Variants in ERBIN observed in about 807,000 individuals in gnomAD.
ERBIN encodes the protein erbb2 interacting protein.
ERBIN carries 60 observed loss-of-function variants against 158.4 expected under a neutral mutation model. The ratio of observed to expected loss-of-function variants is 0.38; its 90% CI spans 0.31 to 0.47. The LOEUF (loss-of-function observed/expected upper bound fraction) is 0.47, where lower values mean the gene tolerates loss of function less well. Ranked by LOEUF, ERBIN falls within the 20% of genes least tolerant of loss-of-function variation. The pLI, the probability that ERBIN is intolerant of heterozygous loss-of-function variation, is 0.99. For synonymous variants in ERBIN, 594 were observed against 557.2 expected (o/e 1.07, Z -0.93); for missense variants, 1,610 against 1,648.0 (o/e 0.98, Z 0.40).
intron 1 of ERBIN, among the ~76,000 whole-genome samples, chr5:65,977,347 C>T (rs1205518142): frequency 6.6e-6 from 1 of 151,928 alleles, no homozygotes; most frequent in Non-Finnish European, 1.5e-5. Flanking sequence ...GGAGATGCTC[C>T]TCACTTCCCA....
intron 18 of ERBIN, among the ~76,000 whole-genome samples, chr5:66,047,480 A>G (rs1217456531): frequency 6.6e-6 from 1 of 152,056 alleles, no homozygotes; most frequent in Non-Finnish European, 1.5e-5. Context: ...TGAATGAAAA[A>G]TGATTGCACC....
rs560019763 is a variant in ERBIN at position 65,961,939 on chromosome 5, C to T, written c.-57-26696C>T. Among the ~76,000 whole-genome samples the T allele has an allele frequency of 1.9e-4, 29 of 152,186 alleles. No homozygotes were observed. In the South Asian group the frequency reaches 4.8e-3, roughly 25 times the overall value. On this transcript the variant is annotated intron_variant, in intron 1 of 25. Transcript: ENST00000284037. The stretch of plus-strand genomic sequence containing the variant: ...TGTATCTTTTTGGTGCTGCAGAAAG[C>T]TAGTTGTCTGACATTTTTTACCAGA...
At chr5:65,970,118 A>T (rs957614510) in intron 1 of ERBIN, among the ~76,000 whole-genome samples, 2 of 65,174 alleles carry the variant, frequency 3.1e-5, no homozygotes, top group African/African-American at 7.0e-5. Flanking sequence ...CTAGTGAAGT[A>T]TGAAGACTAC....
chr5:66,053,108 A>G (rs1759205897), intron 20 of ERBIN, among the ~76,000 whole-genome samples: 1 of 149,338 alleles, frequency 6.7e-6, no homozygotes, highest in South Asian at 2.1e-4. Flanking sequence ...TTAAAATTTT[A>G]TTCATAGTTC....
chr5:66,054,056 G>C lies in ERBIN; in HGVS notation c.2738G>C (p.Ser913Thr), dbSNP rs1326503500. The C allele has an allele frequency of 1.2e-6, 2 of 1,614,038 alleles. No homozygotes were observed. Among genetic ancestry groups the C allele is most frequent in the Non-Finnish European group, 1.7e-6 (2 of 1,180,036 alleles). Residue 913 changes from serine (S) to threonine (T), a missense_variant, in exon 21 of 26, where the codon AGC (serine) becomes ACC (threonine). By Grantham distance (58) the Ser-to-Thr change is moderately conservative. This residue lies in a region of ERBIN where 1,014 missense variants were observed against 936.1 expected (regional missense o/e 1.08). Coordinates refer to ENST00000284037, the MANE Select transcript of ERBIN (RefSeq NM_001253697.2). ...GTTGATGGAAAAAATATAGTCAGGA[G>C]CAAGTCTGCCACACTGTTGTATGAT... ...SAVDGKNIVR[S>T]KSATLLYDQP...
intron 1 of ERBIN, among the ~76,000 whole-genome samples, chr5:65,981,660 A>C (rs1031423313): frequency 5.9e-5 from 9 of 152,288 alleles, no homozygotes; most frequent in East Asian, 5.8e-4. Flanking sequence ...ACAAAAAAAA[A>C]ACAATTGTTT....
At chr5:66,049,047 A>G (rs1758759737) in intron 19 of ERBIN, among the ~76,000 whole-genome samples, 1 of 151,988 alleles carries the variant, frequency 6.6e-6, no homozygotes, top group Non-Finnish European at 1.5e-5. Flanking sequence ...TCTGCCACTT[A>G]TCTGCTGTGT....
At chr5:66,052,504 ATTT>A (rs2151233858) in intron 20 of ERBIN, among the ~76,000 whole-genome samples, 1 of 152,262 alleles carries the variant, frequency 6.6e-6, no homozygotes, top group South Asian at 2.1e-4. Flanking sequence ...GAATAATAAA[ATTT>A]TATTTATTGT....
rs777276143 is a variant in ERBIN at position 66,054,827 on chromosome 5, C to T, written c.3509C>T (p.Ser1170Leu). The T allele has an allele frequency of 6.2e-7, 1 of 1,614,074 alleles. No homozygotes were observed. Among genetic ancestry groups the T allele is most frequent in the African/African-American group, 1.3e-5 (1 of 75,024 alleles). ...TTCAATTATTCACGGACTAGTCCTTCAAAAAGACCAAATGCAAGGGTTGGT... is the reference window on the plus strand; with the variant it reads ...TTCAATTATTCACGGACTAGTCCTTTAAAAAGACCAAATGCAAGGGTTGGT... ...SDFNYSRTSP[S>L]KRPNARVGSE... The change falls in exon 21 of 26, where the codon TCA becomes TTA. Residue 1170 changes from serine to leucine, a missense_variant. By Grantham distance (145) the Ser-to-Leu change is moderately radical. Coordinates refer to ENST00000284037, the MANE Select transcript of ERBIN (RefSeq NM_001253697.2).
chr5:66,044,260 T>C lies in ERBIN; in HGVS notation c.1552T>C (p.Leu518=). ...GACCAATGAAGACTCAGGAAGAGAT[T>C]TGAAACCACATGAAGATCAACAAGA... ...EETNEDSGRD[L]KPHEDQQDIN... Residue 518 remains leucine (L), a synonymous_variant, in exon 17 of 26, where the codon TTG becomes CTG. Coordinates refer to ENST00000284037, the MANE Select transcript of ERBIN (RefSeq NM_001253697.2). 1 of 1,609,740 alleles carries C rather than the reference T, an allele frequency of 6.2e-7. No individual in the cohort carries two copies. Among genetic ancestry groups the C allele is most frequent in the Non-Finnish European group, 8.5e-7 (1 of 1,178,636 alleles).
chr5:66,038,739 T>C (rs1386712949), intron 15 of ERBIN, among the ~76,000 whole-genome samples: 1 of 152,042 alleles, frequency 6.6e-6, no homozygotes, highest in African/African-American at 2.4e-5. Flanking sequence ...TAAAAACATT[T>C]AGCTGTATGC....
chr5:65,964,436 G>A (rs1418947507), intron 1 of ERBIN, among the ~76,000 whole-genome samples: 1 of 152,082 alleles, frequency 6.6e-6, no homozygotes, highest in Non-Finnish European at 1.5e-5. Flanking sequence ...GGCCTTTTGG[G>A]GCAGAATCCT....
rs555632702 is a variant in ERBIN at position 66,031,636 on chromosome 5, A to C, written c.1206+3293A>C. Among the ~76,000 whole-genome samples the C allele has an allele frequency of 2.4e-4, 37 of 152,276 alleles. 1 individual carries two copies. In the South Asian group the frequency reaches 7.5e-3, roughly 31 times the overall value. On this transcript the variant is annotated intron_variant, in intron 14 of 25. Coordinates refer to ENST00000284037, the MANE Select transcript of ERBIN (RefSeq NM_001253697.2). ...CTTTTGAGGCCCGAGTTTGAGACCA[A>C]CCTGGGAAACATAGCAAGATTCCGT...
chr5:65,947,376 C>A (rs1392131748), intron 1 of ERBIN, among the ~76,000 whole-genome samples: 1 of 152,126 alleles, frequency 6.6e-6, no homozygotes. Context: ...ACTACAGGCA[C>A]ATGCCACCAC....
rs1759378216 is a variant in ERBIN at position 66,054,416 on chromosome 5, A to G, written c.3098A>G (p.His1033Arg). The change falls in exon 21 of 26, where the codon CAT (histidine) becomes CGT (arginine). Residue 1033 changes from histidine to arginine, a missense_variant. Physicochemically the swap from His to Arg is conservative, Grantham distance 29. Coordinates refer to ENST00000284037, the MANE Select transcript of ERBIN (RefSeq NM_001253697.2). ...TCTGCCAATATGAATTTCTCTAATC[A>G]TAACAATGTTCGAGCTAATACTGCA... ...KHSANMNFSN[H>R]NNVRANTAYH... 1.2e-6 allele frequency: 2 copies of G among 1,614,180 alleles called. No individual in the cohort carries two copies. The highest frequency in any genetic ancestry group is 1.7e-6 in the Non-Finnish European group (2 of 1,180,028).
intron 1 of ERBIN, among the ~76,000 whole-genome samples, chr5:65,967,450 G>A (rs899188587): frequency 1.1e-4 from 16 of 151,832 alleles, no homozygotes; most frequent in Non-Finnish European, 1.6e-4. Context: ...GTTTAGATAT[G>A]TTTAAATACA....
At chr5:66,069,016 T>G in intron 21 of ERBIN, 4 of 1,532,894 alleles carry the variant, frequency 2.6e-6, no homozygotes, top group Non-Finnish European at 3.5e-6. Context: ...GGGCACATTT[T>G]TCGAGTGAGT....
At chr5:66,030,706 G>A (rs1756777375) in intron 14 of ERBIN, among the ~76,000 whole-genome samples, 1 of 151,590 alleles carries the variant, frequency 6.6e-6, no homozygotes, top group Admixed American at 6.6e-5. Flanking sequence ...GGGACCACAG[G>A]TACATGTCAC....
In ERBIN at chr5:66,081,303, A is replaced by G. The variant is rs1424548108; in HGVS notation, c.*2773A>G. On this transcript the variant is annotated 3_prime_UTR_variant, in exon 26 of 26. Coordinates refer to ENST00000284037, the MANE Select transcript of ERBIN (RefSeq NM_001253697.2). Reference sequence around the variant, plus strand: ...TCAATGAAATTCTAAAATTCCCTACATATTTATTTTGTAAATATTCTTCTG... The same window carrying G: ...TCAATGAAATTCTAAAATTCCCTACGTATTTATTTTGTAAATATTCTTCTG... 1.3e-5 allele frequency: 2 copies of G among 152,054 alleles called. No individual in the cohort carries two copies. Among genetic ancestry groups the G allele is most frequent in the African/African-American group, 4.8e-5 (2 of 41,452 alleles). 9.4% of individuals were successfully genotyped at this position (152,054 alleles called of 1,614,324 possible).
Sources: gnomAD v4.1 joint callset for allele counts (sites outside exome capture counted in the v4.1 genomes callset) on GRCh38, gnomAD v4.1.1 for gene constraint, gnomAD v4.1.1 regional missense constraint, MANE v1.5 for transcripts, NCBI Gene and HGNC (gene_info 2026-07-23, HGNC 2026-07-21) for gene names.